The following MICAL2 variants were observed in gnomAD, a reference collection of about 807,000 sequenced individuals.
MICAL2 encodes the protein microtubule associated monooxygenase, calponin and LIM domain containing 2, also known as [F-actin]-monooxygenase MICAL2.
A neutral mutation model predicts 127.3 loss-of-function variants in MICAL2; 77 were observed. The observed-to-expected ratio is 0.60, with a 90% CI of 0.50 to 0.73. The LOEUF is 0.73. MICAL2 is among the 30% of genes least tolerant of loss of function. The pLI is 0.00. For synonymous variants in MICAL2, 570 were observed against 551.1 expected, an observed-to-expected ratio of 1.03 and a Z score of -0.48; for missense variants, 1,351 against 1,434.4, an observed-to-expected ratio of 0.94 and a Z score of 0.94.
At chr11:12,294,367 C>T (rs201839401), downstream of MICAL2, 11 of 1,614,076 alleles carry the variant, frequency 6.8e-6, no homozygotes, top group Admixed American at 1.0e-4. Context: ...CTCGCTCATT[C>T]AGCCTTCGGA....
chr11:12,229,019 A>G (rs1047700032), intron 15 of MICAL2, among the ~76,000 whole-genome samples: 1 of 152,140 alleles, frequency 6.6e-6, no homozygotes, highest in African/African-American at 2.4e-5. Flanking sequence ...GTGGGCTGGA[A>G]GCCTCTGCAA....
intron 26 of MICAL2, chr11:12,262,052 A>G: frequency 9.4e-7 from 1 of 1,067,714 alleles, no homozygotes; most frequent in Non-Finnish European, 1.1e-6. Context: ...GGTTTGAATT[A>G]CTGTGGCGAG....
At chr11:12,149,291 G>C (rs1853315558) in intron 2 of MICAL2, among the ~76,000 whole-genome samples, 1 of 152,180 alleles carries the variant, frequency 6.6e-6, no homozygotes, top group Admixed American at 6.5e-5. Flanking sequence ...GCTAGGGCTG[G>C]ATCACGAAGG....
intron 3 of MICAL2, among the ~76,000 whole-genome samples, chr11:12,177,023 A>C (rs575034355): frequency 2.6e-5 from 4 of 152,346 alleles, no homozygotes; most frequent in African/African-American, 9.6e-5. Flanking sequence ...TGGTATACCC[A>C]GAAGTGAAAT....
chr11:12,320,833 G>C (rs556912496), intron 30 of MICAL2, among the ~76,000 whole-genome samples: 14 of 152,130 alleles, frequency 9.2e-5, no homozygotes, highest in Middle Eastern at 3.4e-3. Context: ...AAGAGGGAGG[G>C]AGAAGAGAGA....
At chr11:12,294,531 T>C, downstream of MICAL2, 2 of 1,614,090 alleles carry the variant, frequency 1.2e-6, no homozygotes, top group Non-Finnish European at 1.7e-6. Context: ...TGCAGCAAGA[T>C]TGAAGATGTC....
chr11:12,242,185 A>G (rs750464094), intron 18 of MICAL2, 29 bp from the exon 19 acceptor site: 2 of 1,564,806 alleles, frequency 1.3e-6, no homozygotes, highest in Non-Finnish European at 1.7e-6. Flanking sequence ...CGCAGTAGGG[A>G]AGGAAGCTTA....
intron 3 of MICAL2, among the ~76,000 whole-genome samples, chr11:12,190,248 G>A (rs1858918683): frequency 6.6e-6 from 1 of 152,106 alleles, no homozygotes; most frequent in African/African-American, 2.4e-5. Flanking sequence ...CCTCTGGTGG[G>A]AAAGATTTTC....
chr11:12,330,798 A>AGAGAGACAGAGAGAGAGAGAGAGG (rs1864407870), intron 32 of MICAL2, among the ~76,000 whole-genome samples: 1 of 136,080 alleles, frequency 7.3e-6, no homozygotes, highest in Non-Finnish European at 1.7e-5. Flanking sequence ...AGAGAGAGAG[A>AGAGAGACAGAGAGAGAGAGAGAGG]GAGAGACAGA....
intron 2 of MICAL2, among the ~76,000 whole-genome samples, chr11:12,138,794 A>G (rs1852070871): frequency 2.6e-5 from 4 of 152,220 alleles, no homozygotes; most frequent in Admixed American, 2.6e-4. Flanking sequence ...CAGGTGACCA[A>G]CAGCTGTTTG....
chr11:12,248,730 G>C (rs1861113828), intron 21 of MICAL2, among the ~76,000 whole-genome samples: 1 of 30,852 alleles, frequency 3.2e-5, no homozygotes, highest in African/African-American at 1.2e-4. Context: ...AGTTTTGTCT[G>C]GGGCATCCCG....
intron 3 of MICAL2, among the ~76,000 whole-genome samples, chr11:12,203,834 T>C (rs143179573): frequency 6.6e-6 from 1 of 152,368 alleles, no homozygotes; most frequent in East Asian, 1.9e-4. Flanking sequence ...TATTACCTAA[T>C]TCAAGACCAC....
rs931323 is a variant in MICAL2, at chr11:12,180,089, C to T, written c.264+17670C>T. ...ACACACTGAAATCAGGGTTCATTCC[C>T]CTGTGCTAGTAGAAATGCTTTTTTC... On this transcript the variant is annotated intron_variant, in intron 3 of 27. Transcript: ENST00000683283. 3.2e-3 allele frequency among the ~76,000 whole-genome samples: 485 copies of T among 152,280 alleles called. 3 individuals carry two copies. The highest frequency in any genetic ancestry group is 0.011 in the African/African-American group (473 of 41,550).
exon 33 of MICAL2, chr11:12,349,879 T>C (rs1485201470): frequency 6.2e-7 from 1 of 1,614,098 alleles, no homozygotes; most frequent in South Asian, 1.1e-5. Context: ...GCAGGAATGG[T>C]TTAAGCTGGT....
chr11:12,265,811 G>T (rs989270237), downstream of MICAL2, among the ~76,000 whole-genome samples: 1 of 152,140 alleles, frequency 6.6e-6, no homozygotes, highest in Non-Finnish European at 1.5e-5. Flanking sequence ...TTTAAAGGAA[G>T]TAAATTAATT....
downstream of MICAL2, among the ~76,000 whole-genome samples, chr11:12,287,954 G>T (rs367924359): frequency 1.3e-5 from 2 of 152,172 alleles, no homozygotes; most frequent in Non-Finnish European, 2.9e-5. Context: ...ACCCAGAAAG[G>T]CCTTGGCTTA....
chr11:12,233,993 G>C (rs1858672192), intron 15 of MICAL2, among the ~76,000 whole-genome samples: 1 of 152,212 alleles, frequency 6.6e-6, no homozygotes, highest in Non-Finnish European at 1.5e-5. Context: ...GAAACCATTT[G>C]GGTATATGTG....
intron 22 of MICAL2, chr11:12,253,884 C>T (rs547984254): frequency 3.3e-4 from 50 of 152,328 alleles, no homozygotes; most frequent in African/African-American, 1.1e-3. Flanking sequence ...AGGGCATGAT[C>T]GATTACATCA....
exon 33 of MICAL2, chr11:12,349,871 A>G (rs1230209378): frequency 1.2e-6 from 2 of 1,614,060 alleles, no homozygotes; most frequent in Non-Finnish European, 1.7e-6. Flanking sequence ...CAGCTTTTGC[A>G]GGAATGGTTT....
Sources: gnomAD v4.1 joint callset for allele counts (sites outside exome capture counted in the v4.1 genomes callset) on GRCh38, gnomAD v4.1.1 for gene constraint, MANE v1.5 for transcripts, NCBI Gene and HGNC (gene_info 2026-07-23, HGNC 2026-07-21) for gene names.